Variants in TNIK observed in about 807,000 individuals in gnomAD.
TNIK encodes the protein TRAF2 and NCK interacting kinase.
TNIK carries 49 observed loss-of-function variants against 191.3 expected under a neutral mutation model. The observed-to-expected ratio is 0.26, with a 90% CI of 0.20 to 0.32. TNIK has a LOEUF of 0.32. Ranked by LOEUF, TNIK falls within the 10% of genes least tolerant of loss-of-function variation. TNIK has a pLI of 1.00. For missense variants in TNIK, 1,155 were observed against 1,702.3 expected (o/e 0.68, Z 5.66); for synonymous variants, 594 against 600.9 (o/e 0.99, Z 0.17).
At chr3:171,426,398 C>A (rs1210618782) in intron 1 of TNIK, among the ~76,000 whole-genome samples, 24 of 113,038 alleles carry the variant, frequency 2.1e-4, no homozygotes, top group African/African-American at 6.8e-4. Context: ...CACACTGGGG[C>A]CTGTTGTGGG....
rs61791136 is a variant in TNIK at position 171,059,023 on chromosome 3, G to A, written c.*4858C>T. On this transcript the variant is annotated 3_prime_UTR_variant, in exon 33 of 33. Transcript: ENST00000436636. Reference sequence around the variant, plus strand: ...GGGGTAGCTGGGCATGATATTTACAGTGTACAAATAATGATCCATTGCCAG... The same window carrying A: ...GGGGTAGCTGGGCATGATATTTACAATGTACAAATAATGATCCATTGCCAG... Among the ~76,000 whole-genome samples the A allele has an allele frequency of 0.094, 14,238 of 152,180 alleles. 750 individuals are homozygous for A. Among genetic ancestry groups the A allele is most frequent in the African/African-American group, 0.12 (5,143 of 41,510 alleles).
In TNIK at chr3:171,327,900, T is replaced by TAAAAAAAAAAAAAAAAA. The variant is rs71634497; in HGVS notation, c.123+41703_123+41719dup. On this transcript the variant is annotated intron_variant, in intron 2 of 32. Transcript: ENST00000436636. ...ATCTGTGGCTCCCAAACCTGGCTCA[T>TAAAAAAAAAAAAAAAAA]AAAAAAAAAAAAAAAAAAAAAAAAA... Among the ~76,000 whole-genome samples, 47 of 79,626 alleles carry TAAAAAAAAAAAAAAAAA rather than the reference T, an allele frequency of 5.9e-4. 2 individuals are homozygous for TAAAAAAAAAAAAAAAAA. Among genetic ancestry groups the TAAAAAAAAAAAAAAAAA allele is most frequent in the East Asian group, 2.2e-3 (4 of 1,784 alleles). 52.2% of individuals were successfully genotyped at this position (79,626 alleles called of 152,430 possible).
At chr3:171,224,793 C>A (rs1742775653) in intron 3 of TNIK, among the ~76,000 whole-genome samples, 1 of 152,086 alleles carries the variant, frequency 6.6e-6, no homozygotes, top group Non-Finnish European at 1.5e-5. Flanking sequence ...AAATCCCAGA[C>A]TGTGACAAAA....
At chr3:171,356,597 G>A (rs1012789374) in intron 2 of TNIK, among the ~76,000 whole-genome samples, 32 of 152,264 alleles carry the variant, frequency 2.1e-4, no homozygotes, top group African/African-American at 7.7e-4. Flanking sequence ...ACATGCAATG[G>A]AAGGGCAGGG....
At chr3:171,189,443 C>T (rs61792397) in intron 6 of TNIK, among the ~76,000 whole-genome samples, 5,295 of 152,074 alleles carry the variant, frequency 0.035, 147 homozygotes, top group South Asian at 0.077. Flanking sequence ...TTGATTACAC[C>T]AAGGCTTCAC....
At chr3:171,276,718 G>A (rs1424897631) in intron 2 of TNIK, among the ~76,000 whole-genome samples, 3 of 152,096 alleles carry the variant, frequency 2.0e-5, no homozygotes, top group Admixed American at 6.5e-5. Flanking sequence ...GGGGTGCCAA[G>A]AGCCTAATTT....
At position 171,233,120 on chromosome 3, in the gene TNIK, C is replaced by T. The variant is rs570545406; in HGVS notation, c.124-4899G>A. On this transcript the variant is annotated intron_variant, in intron 2 of 32. Coordinates refer to ENST00000436636, the MANE Select transcript of TNIK (RefSeq NM_015028.4). ...CAGACATTCCCCCCACTGTCTTCAT[C>T]CTCCTGCCAAAGGAAGCTCACACAC... 3.2e-4 allele frequency among the ~76,000 whole-genome samples: 48 copies of T among 152,348 alleles called. 1 individual carries two copies. In the South Asian group the frequency reaches 6.6e-3, roughly 21 times the overall value.
At chr3:171,151,633 G>A (rs1218531010) in intron 12 of TNIK, among the ~76,000 whole-genome samples, 2 of 152,144 alleles carry the variant, frequency 1.3e-5, no homozygotes, top group East Asian at 3.8e-4. Context: ...ACTTACTCAG[G>A]TCACACACCT....
At chr3:171,107,302 C>A in intron 20 of TNIK, 96 bp from the exon 21 acceptor site, 2 of 1,131,718 alleles carry the variant, frequency 1.8e-6, no homozygotes, top group South Asian at 1.4e-5. Flanking sequence ...ATTGTTAGTA[C>A]GCAACTGATA....
At position 171,333,584 on chromosome 3, in the gene TNIK, GAAAA is replaced by G. The variant is rs562856294; in HGVS notation, c.123+36032_123+36035del. Among the ~76,000 whole-genome samples, 274 of 114,264 alleles carry G rather than the reference GAAAA, an allele frequency of 2.4e-3. 1 individual carries two copies. Among genetic ancestry groups the G allele is most frequent in the African/African-American group, 8.2e-3 (266 of 32,390 alleles). The allele number at this position is 114,264 out of a possible 152,430, so 75.0% of individuals were successfully genotyped here. On this transcript the variant is annotated intron_variant, in intron 2 of 32. Transcript: ENST00000436636. ...GAGACTCAGATGTCTCAAAAAGAAA[GAAAA>G]AAAAAAAAAAAAAAAACCTACAACA...
At chr3:171,197,165 T>C (rs541141264) in intron 4 of TNIK, among the ~76,000 whole-genome samples, 6 of 152,208 alleles carry the variant, frequency 3.9e-5, no homozygotes, top group African/African-American at 1.2e-4. Flanking sequence ...CAGTTTCTTC[T>C]ACAAATAGTG....
At chr3:171,415,973 C>CAAAAAAAAAA (rs769531813) in intron 1 of TNIK, among the ~76,000 whole-genome samples, 13 of 12,516 alleles carry the variant, frequency 1.0e-3, no homozygotes, top group East Asian at 2.6e-3. Flanking sequence ...GAGACTGTCT[C>CAAAAAAAAAA]AAAAAAAAAA....
At chr3:171,112,048 T>C (rs927827515) in intron 18 of TNIK, among the ~76,000 whole-genome samples, 9 of 152,156 alleles carry the variant, frequency 5.9e-5, no homozygotes, top group Non-Finnish European at 7.3e-5. Context: ...ATTGCGAAGA[T>C]AGTAGATCTT....
chr3:171,357,289 A>T (rs867784046), intron 2 of TNIK, among the ~76,000 whole-genome samples: 10 of 143,954 alleles, frequency 6.9e-5, no homozygotes, highest in South Asian at 6.6e-4. Flanking sequence ...ACTCAGCAGA[A>T]TTTTTTTTTT....
chr3:171,285,443 A>G (rs1377330805), intron 2 of TNIK, among the ~76,000 whole-genome samples: 1 of 151,966 alleles, frequency 6.6e-6, no homozygotes, highest in East Asian at 1.9e-4. Flanking sequence ...GGTAGAGTGG[A>G]AACTGATGAG....
Position 171,443,520 on chromosome 3 carries a change from A to T in TNIK, c.57+16487T>A, listed in dbSNP as rs1269711065. Among the ~76,000 whole-genome samples, 4 of 152,162 alleles carry T rather than the reference A, an allele frequency of 2.6e-5. No homozygotes were observed. The East Asian group carries it at 7.7e-4, about 29-fold the overall frequency. ...TGTCATTCATTGTCCCATCTAGAGC[A>T]GTTAGTATTCCCGATTTAAAGGCTT... is the stretch of plus-strand genomic sequence containing the variant. On this transcript the variant is annotated intron_variant, in intron 1 of 32. Coordinates refer to ENST00000436636, the MANE Select transcript of TNIK (RefSeq NM_015028.4).
intron 12 of TNIK, among the ~76,000 whole-genome samples, chr3:171,151,930 G>C (rs1732489123): frequency 6.6e-6 from 1 of 152,158 alleles, no homozygotes; most frequent in Non-Finnish European, 1.5e-5. Flanking sequence ...CTCTGGGTTT[G>C]GGCTTCAGCT....
intron 2 of TNIK, among the ~76,000 whole-genome samples, chr3:171,265,308 A>T (rs1748247277): frequency 6.6e-6 from 1 of 152,222 alleles, no homozygotes; most frequent in African/African-American, 2.4e-5. Flanking sequence ...AGGAATTGTG[A>T]CTTAGGACCA....
At chr3:171,439,183 A>G (rs1460205076) in intron 1 of TNIK, among the ~76,000 whole-genome samples, 11 of 151,950 alleles carry the variant, frequency 7.2e-5, no homozygotes, top group Admixed American at 1.3e-4. Context: ...TCTCTACTAA[A>G]AATTCAAAAA....
Sources: gnomAD v4.1 joint callset for allele counts (sites outside exome capture counted in the v4.1 genomes callset) on GRCh38, gnomAD v4.1.1 for gene constraint, MANE v1.5 for transcripts, NCBI Gene and HGNC (gene_info 2026-07-23, HGNC 2026-07-21) for gene names.